The following FER1L6 variants were observed in gnomAD, a reference collection of about 807,000 sequenced individuals.
FER1L6 encodes the protein fer-1 like family member 6.
Under a neutral mutation model 219.2 loss-of-function variants are expected in FER1L6, and 177 were observed. That is an observed-to-expected ratio of 0.81 (90% CI 0.71 to 0.91). FER1L6 has a LOEUF of 0.91. Ranked by LOEUF, FER1L6 falls within the 40% of genes least tolerant of loss-of-function variation. The pLI is 0.00. For missense variants in FER1L6, 2,153 were observed against 2,259.9 expected (o/e 0.95, Z 0.96); for synonymous variants, 768 against 824.3 (o/e 0.93, Z 1.17).
intron 33 of FER1L6, among the ~76,000 whole-genome samples, chr8:124,086,409 C>T (rs1821785759): frequency 6.7e-6 from 1 of 148,382 alleles, no homozygotes. Context: ...TAATATAGCC[C>T]ATGATTTTAA....
intron 1 of FER1L6, among the ~76,000 whole-genome samples, chr8:123,868,887 G>C (rs1264265468): frequency 6.6e-6 from 1 of 152,130 alleles, no homozygotes; most frequent in Non-Finnish European, 1.5e-5. Context: ...GAGAAATAAA[G>C]AGCATAGCCC....
intron 1 of FER1L6, among the ~76,000 whole-genome samples, chr8:123,919,004 A>G (rs1357667748): frequency 1.3e-5 from 2 of 152,170 alleles, no homozygotes; most frequent in African/African-American, 2.4e-5. Context: ...GGATGGCTCC[A>G]GTGGGATCCT....
chr8:123,974,455 G>A (rs2130284385), intron 7 of FER1L6, among the ~76,000 whole-genome samples: 1 of 151,920 alleles, frequency 6.6e-6, no homozygotes, highest in African/African-American at 2.4e-5. Context: ...GGCCAATATG[G>A]TGAAGCCCCA....
intron 14 of FER1L6, among the ~76,000 whole-genome samples, chr8:124,012,047 C>A (rs1817959241): frequency 6.6e-6 from 1 of 152,194 alleles, no homozygotes; most frequent in Non-Finnish European, 1.5e-5. Context: ...GTTTCTCTGA[C>A]ATCTTGCACC....
At position 124,027,188 on chromosome 8, in the gene FER1L6, G is replaced by T. The variant is rs143146561; in HGVS notation, c.2286+3592G>T. 4.7e-3 allele frequency among the ~76,000 whole-genome samples: 718 copies of T among 152,200 alleles called. 10 individuals carry two copies. The highest frequency in any genetic ancestry group is 0.017 in the African/African-American group (694 of 41,526). On this transcript the variant is annotated intron_variant, in intron 18 of 40. Transcript: ENST00000522917. ...TGCATTGACCCTATTTCCAAATAAG[G>T]TCATATTTTGGGTGTTGGGGATTAG...
intron 16 of FER1L6, among the ~76,000 whole-genome samples, chr8:124,021,054 G>A (rs1818434231): frequency 6.6e-6 from 1 of 152,094 alleles, no homozygotes; most frequent in South Asian, 2.1e-4. Flanking sequence ...CATGGTGGCA[G>A]GCAAGAGAAG....
intron 33 of FER1L6, 27 bp downstream of exon 33, chr8:124,082,485 T>C (rs1219232546): frequency 2.5e-6 from 4 of 1,605,454 alleles, no homozygotes; most frequent in African/African-American, 2.7e-5. Flanking sequence ...CGGGAGACAC[T>C]TGGTATTCTG....
intron 11 of FER1L6, chr8:123,984,268 A>G (rs537258303): frequency 6.6e-6 from 1 of 152,208 alleles, no homozygotes; most frequent in Non-Finnish European, 1.5e-5. Flanking sequence ...GAGAATAGAC[A>G]TGATTTGCTT....
intron 39 of FER1L6, among the ~76,000 whole-genome samples, chr8:124,106,809 T>A (rs1822795639): frequency 6.6e-6 from 1 of 152,094 alleles, no homozygotes; most frequent in Admixed American, 6.5e-5. Context: ...AAAAGTATGT[T>A]TTTGCTTTCT....
intron 1 of FER1L6, among the ~76,000 whole-genome samples, chr8:123,918,027 AG>A: frequency 6.6e-6 from 1 of 152,312 alleles, no homozygotes; most frequent in Non-Finnish European, 1.5e-5. Context: ...CAACAAATAC[AG>A]GCCGGGCCTA....
chr8:124,119,577 CT>C, intron 40 of FER1L6, 29 bp from the exon 41 acceptor site: 1 of 1,496,034 alleles, frequency 6.7e-7, no homozygotes, highest in South Asian at 1.2e-5. Context: ...AGGATGCCCC[CT>C]TTTTGATTTT....
At chr8:124,029,846 A>G (rs1325451567) in intron 18 of FER1L6, among the ~76,000 whole-genome samples, 2 of 152,176 alleles carry the variant, frequency 1.3e-5, no homozygotes, top group African/African-American at 4.8e-5. Flanking sequence ...GCTCATGCCT[A>G]TGTCCTGAAT....
Position 123,980,688 on chromosome 8 carries a change from A to T in FER1L6, c.1287A>T (p.Lys429Asn). 1.2e-6 allele frequency: 2 copies of T among 1,614,174 alleles called. No individual in the cohort carries two copies. The highest frequency in any genetic ancestry group is 1.7e-6 in the Non-Finnish European group (2 of 1,180,018). ...AGCTCAAGTTGCCTTCCAAGGACAA[A>T]GACTCCAAATCTTCCAAAGGTAAAG... ...LKELKLPSKD[K>N]DSKSSKGKDK... Residue 429 changes from lysine (K) to asparagine (N), a missense_variant, in exon 11 of 41, where the codon AAA becomes AAT. Coordinates refer to ENST00000522917, the MANE Select transcript of FER1L6 (RefSeq NM_001039112.2).
chr8:123,872,310 A>G (rs1816936956), intron 1 of FER1L6, among the ~76,000 whole-genome samples: 1 of 152,122 alleles, frequency 6.6e-6, no homozygotes, highest in Non-Finnish European at 1.5e-5. Flanking sequence ...AAACTATATC[A>G]CCGTCATTCT....
intron 1 of FER1L6, among the ~76,000 whole-genome samples, chr8:123,929,505 G>A (rs1162303107): frequency 6.6e-6 from 1 of 152,154 alleles, no homozygotes; most frequent in Non-Finnish European, 1.5e-5. Flanking sequence ...CATGCTTACT[G>A]TTTCTTCCCT....
At chr8:124,057,082 T>C (rs1445080616) in intron 22 of FER1L6, among the ~76,000 whole-genome samples, 1 of 152,066 alleles carries the variant, frequency 6.6e-6, no homozygotes, top group African/African-American at 2.4e-5. Context: ...TTCCAGTAGA[T>C]AGAGACCCTG....
chr8:123,975,265 G>T lies in FER1L6; in HGVS notation c.642G>T (p.Lys214Asn), dbSNP rs777569035. Residue 214 changes from lysine (K) to asparagine (N), a missense_variant, in exon 8 of 41, where the codon AAG (lysine) becomes AAT (asparagine). By Grantham distance (94) the Lys-to-Asn change is moderately conservative. Coordinates refer to ENST00000522917, the MANE Select transcript of FER1L6 (RefSeq NM_001039112.2). The part of the protein sequence containing the change: ...ISVMGKGDVL[K>N]TSPKTSDTEE... ...TCATGGGAAAAGGTGATGTCTTGAA[G>T]ACCAGCCCTAAAACTTCTGACACCG... The T allele has an allele frequency of 1.9e-6, 3 of 1,613,232 alleles. No homozygotes were observed. Among genetic ancestry groups the T allele is most frequent in the Non-Finnish European group, 2.5e-6 (3 of 1,179,588 alleles).
At position 124,010,651 on chromosome 8, in the gene FER1L6, T is replaced by C; in HGVS notation, c.1758T>C (p.Ser586=). The C allele has an allele frequency of 1.2e-6, 2 of 1,614,042 alleles. No homozygotes were observed. Among genetic ancestry groups the C allele is most frequent in the Non-Finnish European group, 1.7e-6 (2 of 1,179,934 alleles). The change falls in exon 14 of 41, where the codon TCT becomes TCC. Residue 586 remains serine, a synonymous_variant. Coordinates refer to ENST00000522917, the MANE Select transcript of FER1L6 (RefSeq NM_001039112.2). ...AKKPCVYFIS[S]WGDQTFRLHW... ...AGCCCTGTGTCTATTTCATCAGCTC[T>C]TGGGGAGACCAGACCTTCAGGCTGC...
chr8:123,975,982 CA>C lies in FER1L6; in HGVS notation c.772del (p.Met258Ter). The C allele has an allele frequency of 6.2e-7, 1 of 1,613,950 alleles. No homozygotes were observed. Among genetic ancestry groups the C allele is most frequent in the Non-Finnish European group, 8.5e-7 (1 of 1,179,936 alleles). ...VRLYKAEGLP[K>X]MNSSIMANVT... The stretch of plus-strand genomic sequence containing the variant: ...GACTCTACAAAGCAGAAGGGTTGCC[CA>C]AAATGAATTCAAGCATCATGGCGAA... On this transcript the variant is annotated frameshift_variant, in exon 9 of 41. Coordinates refer to ENST00000522917, the MANE Select transcript of FER1L6 (RefSeq NM_001039112.2). LOFTEE classifies it high-confidence loss of function.
Sources: allele counts gnomAD v4.1 joint callset (sites outside exome capture counted in the v4.1 genomes callset), GRCh38; gene constraint gnomAD v4.1.1; transcripts MANE v1.5; gene names NCBI Gene and HGNC (gene_info 2026-07-23, HGNC 2026-07-21).